Variants in HYDIN observed in about 807,000 individuals in gnomAD.
HYDIN encodes HYDIN axonemal central pair apparatus protein.
In HYDIN, 132 loss-of-function variants were observed where a neutral mutation model predicts 403.9. The ratio of observed to expected loss-of-function variants is 0.33; its 90% CI spans 0.28 to 0.38. HYDIN has a LOEUF of 0.38. Among genes scored for constraint, HYDIN ranks in the 10% least tolerant of loss-of-function variants. The pLI, the probability that HYDIN is intolerant of heterozygous loss-of-function variation, is 1.00. For synonymous variants in HYDIN, 1,202 were observed against 1,891.7 expected, an observed-to-expected ratio of 0.64 and a Z score of 9.46; for missense variants, 2,827 against 5,009.5, an observed-to-expected ratio of 0.56 and a Z score of 13.15.
intron 10 of HYDIN, 78 bp from the exon 11 acceptor site, chr16:71,094,013 A>C (rs2083197393): frequency 6.0e-6 from 7 of 1,169,098 alleles, no homozygotes; most frequent in Non-Finnish European, 8.4e-6. Flanking sequence ...GTACGTTACC[A>C]ATATAAATAA....
At chr16:70,888,501 C>T (rs1225681185) in intron 58 of HYDIN, among the ~76,000 whole-genome samples, 1 of 151,992 alleles carries the variant, frequency 6.6e-6, no homozygotes, top group Admixed American at 6.5e-5. Context: ...CTGATACGTG[C>T]CTGGTGGGGA....
chr16:70,850,627 T>C lies in HYDIN; in HGVS notation c.12472A>G (p.Lys4158Glu), dbSNP rs770937325. The C allele has an allele frequency of 1.2e-6, 2 of 1,614,024 alleles. No individual in the cohort carries two copies. The highest frequency in any genetic ancestry group is 8.5e-7 in the Non-Finnish European group (1 of 1,179,932). ...RFPIDIFFTP[K>E]QEGDVNFNLI... Reference sequence around the variant, plus strand: ...TTAAAGTTCACATCTCCTTCCTGCTTTGGTGTGAAGAAAATATCAATTGGG... The same window carrying C: ...TTAAAGTTCACATCTCCTTCCTGCTCTGGTGTGAAGAAAATATCAATTGGG... Residue 4158 changes from lysine to glutamate, a missense_variant, in exon 74 of 86, where the codon AAG becomes GAG. Physicochemically the swap from Lys to Glu is moderately conservative, Grantham distance 56. Transcript: ENST00000393567.
At chr16:71,151,638 C>A (rs2085541116) in intron 7 of HYDIN, among the ~76,000 whole-genome samples, 1 of 151,660 alleles carries the variant, frequency 6.6e-6, no homozygotes, top group South Asian at 2.1e-4. Flanking sequence ...CGGCTGTGCG[C>A]CTCTGTTTTC....
At chr16:71,176,960 T>C (rs1192127801) in intron 4 of HYDIN, among the ~76,000 whole-genome samples, 1 of 152,210 alleles carries the variant, frequency 6.6e-6, no homozygotes, top group Non-Finnish European at 1.5e-5. Flanking sequence ...TTTATGAAAC[T>C]GTGAACTAAA....
chr16:71,229,053 A>T (rs2041164243), intron 1 of HYDIN, among the ~76,000 whole-genome samples: 1 of 151,254 alleles, frequency 6.6e-6, no homozygotes, highest in Non-Finnish European at 1.5e-5. Context: ...AACTATCACA[A>T]GGACAAAAAA....
chr16:71,024,062 G>A (rs1340527589), intron 21 of HYDIN, among the ~76,000 whole-genome samples: 1 of 152,130 alleles, frequency 6.6e-6, no homozygotes, highest in East Asian at 1.9e-4. Flanking sequence ...TGTATCTCTA[G>A]CCCCCAACAC....
chr16:71,225,587 T>C (rs753017372), intron 1 of HYDIN, among the ~76,000 whole-genome samples: 5 of 152,142 alleles, frequency 3.3e-5, no homozygotes, highest in Non-Finnish European at 5.9e-5. Flanking sequence ...TCTCCTGCCA[T>C]CATTTTGGGG....
intron 5 of HYDIN, among the ~76,000 whole-genome samples, chr16:71,175,368 GACA>G (rs1281427280): frequency 4.6e-5 from 7 of 151,206 alleles, no homozygotes; most frequent in African/African-American, 1.7e-4. Flanking sequence ...CACCATCAAT[GACA>G]ACAATATCAC....
intron 43 of HYDIN, among the ~76,000 whole-genome samples, chr16:70,938,991 T>C (rs906409428): frequency 1.3e-5 from 2 of 152,188 alleles, no homozygotes; most frequent in Non-Finnish European, 1.5e-5. Context: ...ACTCAGAACC[T>C]GTGACTGTGT....
At chr16:70,877,186 T>C (rs576455629) in intron 62 of HYDIN, among the ~76,000 whole-genome samples, 1 of 147,310 alleles carries the variant, frequency 6.8e-6, no homozygotes, top group South Asian at 2.1e-4. Flanking sequence ...GAAAATATAG[T>C]GAGACTAGAG....
chr16:70,887,140 T>C (rs940030360), intron 58 of HYDIN, among the ~76,000 whole-genome samples: 1 of 152,236 alleles, frequency 6.6e-6, no homozygotes. Context: ...CAGAGTCTAC[T>C]TTCTCTCTTT....
chr16:70,808,172 G>A, intron 85 of HYDIN, 110 bp from the exon 86 acceptor site: 1 of 1,230,500 alleles, frequency 8.1e-7, no homozygotes, highest in Non-Finnish European at 1.1e-6. Flanking sequence ...CTATGTCTGT[G>A]TGAGACTGGG....
chr16:71,021,227 T>C (rs1375134492), intron 21 of HYDIN, among the ~76,000 whole-genome samples: 3 of 151,682 alleles, frequency 2.0e-5, no homozygotes, highest in Non-Finnish European at 2.9e-5. Flanking sequence ...TTTCTTTTTT[T>C]TTTTTTTGAG....
chr16:71,227,480 A>G (rs1328446188), intron 1 of HYDIN, among the ~76,000 whole-genome samples: 1 of 152,196 alleles, frequency 6.6e-6, no homozygotes, highest in Non-Finnish European at 1.5e-5. Flanking sequence ...AGGATACAAA[A>G]TCAATGTGCA....
chr16:70,804,941 C>G lies in HYDIN; in HGVS notation c.*2639G>C. On this transcript the variant is annotated 3_prime_UTR_variant, in exon 86 of 86. Coordinates refer to ENST00000393567, the MANE Select transcript of HYDIN (RefSeq NM_001270974.2). ...ACCCCAAGGCTGGCTATAAGCCATGCTGGGGCTGGTGGCATGTTAGACAAG... is the reference window on the plus strand; with the variant it reads ...ACCCCAAGGCTGGCTATAAGCCATGGTGGGGCTGGTGGCATGTTAGACAAG... Among the ~76,000 whole-genome samples the G allele has an allele frequency of 6.6e-6, 1 of 152,238 alleles. No individual in the cohort carries two copies. The highest frequency in any genetic ancestry group is 1.9e-4 in the East Asian group (1 of 5,194).
At chr16:71,102,951 T>C (rs2083500404) in intron 10 of HYDIN, among the ~76,000 whole-genome samples, 1 of 151,134 alleles carries the variant, frequency 6.6e-6, no homozygotes, top group African/African-American at 2.4e-5. Context: ...AATACACCCA[T>C]TTATATACTT....
At chr16:71,215,697 C>T (rs1418177329) in intron 1 of HYDIN, among the ~76,000 whole-genome samples, 2 of 151,282 alleles carry the variant, frequency 1.3e-5, no homozygotes, top group Non-Finnish European at 2.9e-5. Context: ...AAGGACAAGT[C>T]TCAAAATGGG....
chr16:71,056,073 G>A (rs907858374), intron 18 of HYDIN, among the ~76,000 whole-genome samples: 7 of 150,930 alleles, frequency 4.6e-5, no homozygotes, highest in East Asian at 2.0e-4. Context: ...AGCAGAGCGC[G>A]CATTCTCCTG....
chr16:71,129,841 T>G lies in HYDIN; in HGVS notation c.1044-18A>C, dbSNP rs11866288. ...CACAGGCCCTAAAGAAAACAGGCAA[T>G]GTGAGATTCATGTGGGTACTCCCAT... On this transcript the variant is annotated intron_variant, in intron 8 of 85. Transcript: ENST00000393567. 0.014 allele frequency: 22,823 copies of G among 1,580,080 alleles called. 1,598 individuals carry two copies. The African/African-American group carries it at 0.27, about 19-fold the overall frequency.
Sources: allele counts gnomAD v4.1 joint callset (sites outside exome capture counted in the v4.1 genomes callset), GRCh38; gene constraint gnomAD v4.1.1; transcripts MANE v1.5; gene names NCBI Gene and HGNC (gene_info 2026-07-23, HGNC 2026-07-21).